The following DDX19B variants were observed in gnomAD, a reference collection of about 807,000 sequenced individuals.
DDX19B encodes ATP-dependent RNA helicase DDX19B.
A neutral mutation model predicts 58.1 loss-of-function variants in DDX19B; 27 were observed. That is an observed-to-expected ratio of 0.46 (90% CI 0.34 to 0.64). The LOEUF is 0.64. DDX19B is among the 30% of genes least tolerant of loss of function. The probability of loss-of-function intolerance (pLI) is 0.01; values close to 1 mark genes in which losing one functional copy is unlikely to be tolerated. For synonymous variants in DDX19B, 187 were observed against 214.4 expected (o/e 0.87, Z 1.12); for missense variants, 399 against 596.5 (o/e 0.67, Z 3.45).
At chr16:70,317,777 A>G in intron 5 of DDX19B, 189 bp downstream of exon 5, 1 of 380,482 alleles carries the variant, frequency 2.6e-6, no homozygotes, top group South Asian at 3.6e-5. Context: ...GTCTCAACAA[A>G]AAAAAAAACG....
At chr16:70,332,833 T>G in intron 10 of DDX19B, 135 bp from the exon 11 acceptor site, 1 of 1,524,730 alleles carries the variant, frequency 6.6e-7, no homozygotes. Context: ...TCTGGCTTCC[T>G]GCACTCAATG....
chr16:70,334,019 G>A lies in DDX19B; in HGVS notation c.*437G>A, dbSNP rs1244055357. On this transcript the variant is annotated 3_prime_UTR_variant, in exon 12 of 12. Coordinates refer to ENST00000288071, the MANE Select transcript of DDX19B (RefSeq NM_007242.7). ...ACACAGAGAGGGAGGCTTCCAGTAA[G>A]ATAGGTGTGTAAGCCCAGCCATCAT... is the stretch of plus-strand genomic sequence containing the variant. 8.6e-6 allele frequency: 2 copies of A among 231,692 alleles called. No individual in the cohort carries two copies. The highest frequency in any genetic ancestry group is 4.6e-5 in the African/African-American group (2 of 43,250). 14.4% of individuals were successfully genotyped at this position (231,692 alleles called of 1,614,324 possible). A position where few individuals can be genotyped will look rare whatever the true frequency, so the allele number is the denominator to read the frequency against.
At chr16:70,316,862 G>C (rs141392520) in intron 4 of DDX19B, among the ~76,000 whole-genome samples, 2 of 152,194 alleles carry the variant, frequency 1.3e-5, no homozygotes, top group Admixed American at 1.3e-4. Context: ...CTTGAGGTCA[G>C]GAGTTCAAGA....
upstream of DDX19B, among the ~76,000 whole-genome samples, chr16:70,292,073 G>C (rs1961072066): frequency 1.3e-5 from 2 of 151,974 alleles, no homozygotes; most frequent in South Asian, 4.1e-4. Context: ...ATCACTTGGA[G>C]CCCAGAAGCT....
upstream of DDX19B, among the ~76,000 whole-genome samples, chr16:70,292,666 G>A (rs1961090670): frequency 6.6e-6 from 1 of 152,184 alleles, no homozygotes; most frequent in African/African-American, 2.4e-5. Context: ...AAATAGGCCT[G>A]TAGGTGGGAG....
chr16:70,332,936 G>A (rs373523387), intron 10 of DDX19B, 32 bp from the exon 11 acceptor site: 139 of 1,613,892 alleles, frequency 8.6e-5, no homozygotes, highest in Admixed American at 1.2e-4. Context: ...CCTGTCCTTA[G>A]TCCTCTCAGC....
At chr16:70,304,753 C>CT (rs529949603) in intron 1 of DDX19B, among the ~76,000 whole-genome samples, 88 of 149,696 alleles carry the variant, frequency 5.9e-4, no homozygotes, top group East Asian at 2.4e-3. Context: ...ATCTTTGTCT[C>CT]TTTTTTTTTT....
Position 70,311,120 on chromosome 16 carries a change from T to TC in DDX19B, c.58-1486dup, listed in dbSNP as rs1321754678. 1.1e-4 allele frequency among the ~76,000 whole-genome samples: 16 copies of TC among 151,358 alleles called. No homozygotes were observed. The Admixed American group carries it at 1.1e-3, about 10-fold the overall frequency. On this transcript the variant is annotated intron_variant, in intron 1 of 11. Transcript: ENST00000288071. ...CGGGCGTGGCAGCTCATATCTGTAA[T>TC]CCCAGCACTTTGGGAGGCTGAGGCA...
rs2152213428 is a variant in DDX19B, at chr16:70,329,362, C to T, written c.678C>T (p.Ser226=). The stretch of plus-strand genomic sequence containing the variant: ...CTGGGACTGTGCTGGACTGGTGCTC[C>T]AAGCTCAAGTTCATTGATCCCAAGA... The part of the protein sequence containing the change: ...GTPGTVLDWC[S]KLKFIDPKKI... The change falls in exon 8 of 12, where the codon TCC becomes TCT. Residue 226 remains serine, a synonymous_variant. Coordinates refer to ENST00000288071, the MANE Select transcript of DDX19B (RefSeq NM_007242.7). 1.2e-6 allele frequency: 2 copies of T among 1,614,106 alleles called. No homozygotes were observed. The highest frequency in any genetic ancestry group is 1.7e-6 in the Non-Finnish European group (2 of 1,180,030).
At chr16:70,330,755 T>C (rs991465478) in intron 9 of DDX19B, among the ~76,000 whole-genome samples, 2 of 151,038 alleles carry the variant, frequency 1.3e-5, no homozygotes, top group African/African-American at 4.9e-5. Context: ...ATTAAAAATA[T>C]ATATATGGCT....
At chr16:70,325,761 A>C (rs139391794) in intron 7 of DDX19B, 73 bp downstream of exon 7, 42,073 of 1,083,434 alleles carry the variant, frequency 0.039, 1,016 homozygotes, top group Middle Eastern at 0.05. Flanking sequence ...AACCCACCCA[A>C]TAGTTGAAAT....
chr16:70,332,935 A>G, intron 10 of DDX19B, 33 bp from the exon 11 acceptor site: 9 of 1,614,034 alleles, frequency 5.6e-6, no homozygotes, highest in Non-Finnish European at 7.6e-6. Context: ...TCCTGTCCTT[A>G]GTCCTCTCAG....
rs1290112232 is a variant in DDX19B, at chr16:70,331,717, T to C, written c.1024-5T>C. The C allele has an allele frequency of 1.9e-6, 3 of 1,613,438 alleles. No individual in the cohort carries two copies. The highest frequency in any genetic ancestry group is 2.5e-6 in the Non-Finnish European group (3 of 1,179,896). ...CTTCATAAAAAACAATTCTTTTCAC[T>C]ACAGACTCGCAAAACAGCTAGTTGG... On this transcript the variant is annotated splice_region_variant and splice_polypyrimidine_tract_variant and intron_variant, in intron 9 of 11. Coordinates refer to ENST00000288071, the MANE Select transcript of DDX19B (RefSeq NM_007242.7).
intron 10 of DDX19B, 77 bp from the exon 11 acceptor site, chr16:70,332,891 C>T: frequency 6.2e-7 from 1 of 1,612,826 alleles, no homozygotes; most frequent in Non-Finnish European, 8.5e-7. Flanking sequence ...GAGTCATGCT[C>T]CATTGTATGG....
chr16:70,305,967 G>A (rs961201425), intron 1 of DDX19B, among the ~76,000 whole-genome samples: 7 of 151,970 alleles, frequency 4.6e-5, no homozygotes, highest in African/African-American at 9.7e-5. Context: ...GTTTCACCGT[G>A]TTAGCCAGGA....
At chr16:70,318,246 C>CTCCTGT (rs1285644382) in intron 5 of DDX19B, among the ~76,000 whole-genome samples, 1 of 151,708 alleles carries the variant, frequency 6.6e-6, no homozygotes, top group Non-Finnish European at 1.5e-5. Context: ...TCATGGTGTG[C>CTCCTGT]TCCTGTAGTC....
intron 7 of DDX19B, among the ~76,000 whole-genome samples, chr16:70,326,017 T>G (rs1391856039): frequency 1.3e-5 from 2 of 152,220 alleles, no homozygotes; most frequent in Non-Finnish European, 2.9e-5. Flanking sequence ...TCCCAAAGTC[T>G]TCCTTTATAG....
At chr16:70,306,938 C>T (rs1289844990) in intron 1 of DDX19B, among the ~76,000 whole-genome samples, 1 of 152,190 alleles carries the variant, frequency 6.6e-6, no homozygotes, top group Non-Finnish European at 1.5e-5. Flanking sequence ...TTAGATTTGC[C>T]TCTTTTAAAC....
chr16:70,309,451 C>T (rs954321107), intron 1 of DDX19B, among the ~76,000 whole-genome samples: 3 of 151,780 alleles, frequency 2.0e-5, no homozygotes, highest in East Asian at 1.9e-4. Context: ...GCCAAGATCA[C>T]GCCACTGCAC....
Sources: allele counts gnomAD v4.1 joint callset (sites outside exome capture counted in the v4.1 genomes callset), GRCh38; gene constraint gnomAD v4.1.1; transcripts MANE v1.5; gene names NCBI Gene and HGNC (gene_info 2026-07-23, HGNC 2026-07-21).